The following DRC8 variants were observed in gnomAD, a reference collection of about 807,000 sequenced individuals.
DRC8 encodes the protein dynein regulatory complex subunit 8.
chr1:245,001,673 A>G, the DRC8 span, among the ~76,000 whole-genome samples: 11 of 152,162 alleles, frequency 7.2e-5, no homozygotes, highest in African/African-American at 2.7e-4. Context: ...GTGTCATCAG[A>G]TACACATATT....
chr1:245,023,851 T>C, the DRC8 span, among the ~76,000 whole-genome samples: 1 of 152,110 alleles, frequency 6.6e-6, no homozygotes, highest in Non-Finnish European at 1.5e-5. Context: ...TTTTTACTTA[T>C]CAATATATCT....
chr1:245,001,406 G>A, the DRC8 span, among the ~76,000 whole-genome samples: 17 of 152,278 alleles, frequency 1.1e-4, no homozygotes, highest in African/African-American at 3.9e-4. Flanking sequence ...GTCCCCTGAG[G>A]ACCTTTGTAA....
At chr1:244,970,210 C>G in the DRC8 span, 8 of 750,612 alleles carry the variant, frequency 1.1e-5, no homozygotes, top group African/African-American at 8.8e-5. Flanking sequence ...CTCTGGTCTT[C>G]CCCCAGCGCG....
At chr1:245,052,066 A>T in the DRC8 span, among the ~76,000 whole-genome samples, 1 of 152,022 alleles carries the variant, frequency 6.6e-6, no homozygotes, top group Admixed American at 6.6e-5. Flanking sequence ...GTGGGTGATA[A>T]GGACGTTTTC....
the DRC8 span, among the ~76,000 whole-genome samples, chr1:245,004,318 T>C: frequency 6.6e-6 from 1 of 152,172 alleles, no homozygotes; most frequent in Non-Finnish European, 1.5e-5. Context: ...TTTAGGAATT[T>C]GTATTCTACA....
chr1:245,084,070 C>G, the DRC8 span, among the ~76,000 whole-genome samples: 24 of 119,166 alleles, frequency 2.0e-4, 2 homozygotes, highest in South Asian at 8.7e-4. Flanking sequence ...CCGCCCCCCC[C>G]CCGGCGCCCC....
At chr1:245,037,542 C>T in the DRC8 span, among the ~76,000 whole-genome samples, 1 of 152,140 alleles carries the variant, frequency 6.6e-6, no homozygotes, top group Non-Finnish European at 1.5e-5. Context: ...GCACAAACAG[C>T]ATTTTCATTA....
At chr1:245,107,475 G>A in the DRC8 span, among the ~76,000 whole-genome samples, 3 of 152,218 alleles carry the variant, frequency 2.0e-5, no homozygotes, top group Non-Finnish European at 2.9e-5. Flanking sequence ...AGCAGAGAGC[G>A]TAGAACCTTT....
At chr1:245,086,081 G>C in the DRC8 span, among the ~76,000 whole-genome samples, 1 of 152,218 alleles carries the variant, frequency 6.6e-6, no homozygotes, top group Non-Finnish European at 1.5e-5. Flanking sequence ...TTTCGAAAAT[G>C]GTATGTTTAC....
chr1:244,989,131 G>T, the DRC8 span, among the ~76,000 whole-genome samples: 1 of 152,066 alleles, frequency 6.6e-6, no homozygotes, highest in Non-Finnish European at 1.5e-5. Flanking sequence ...GACCCACTTT[G>T]TTGTCCAGGC....
chr1:245,012,844 G>A, the DRC8 span, among the ~76,000 whole-genome samples: 1 of 152,072 alleles, frequency 6.6e-6, no homozygotes, highest in South Asian at 2.1e-4. Context: ...ATGGATTTCT[G>A]TATTTCCTTT....
the DRC8 span, among the ~76,000 whole-genome samples, chr1:245,044,414 T>A: frequency 6.6e-6 from 1 of 152,254 alleles, no homozygotes; most frequent in Non-Finnish European, 1.5e-5. Context: ...CTCCAAAAAC[T>A]TAACAAAAGA....
At chr1:245,011,516 G>C in the DRC8 span, among the ~76,000 whole-genome samples, 2 of 152,182 alleles carry the variant, frequency 1.3e-5, no homozygotes, top group African/African-American at 4.8e-5. Flanking sequence ...TTGATTAGAA[G>C]GTTACTGTAT....
the DRC8 span, among the ~76,000 whole-genome samples, chr1:245,040,249 A>G: frequency 2.0e-5 from 3 of 152,328 alleles, no homozygotes; most frequent in African/African-American, 7.2e-5. Flanking sequence ...GAAAAATGCC[A>G]TAGTCTATTA....
At chr1:245,013,538 AATTGATT>A in the DRC8 span, among the ~76,000 whole-genome samples, 1 of 151,692 alleles carries the variant, frequency 6.6e-6, no homozygotes, top group South Asian at 2.1e-4. Context: ...TTCAATAAAG[AATTGATT>A]ATTGATTATA....
chr1:245,064,927 A>G, the DRC8 span, among the ~76,000 whole-genome samples: 1 of 152,014 alleles, frequency 6.6e-6, no homozygotes, highest in African/African-American at 2.4e-5. Flanking sequence ...TGTGTTAGGT[A>G]CCTGGTGGGC....
chr1:245,027,349 A>G, the DRC8 span, among the ~76,000 whole-genome samples: 2 of 152,262 alleles, frequency 1.3e-5, no homozygotes, highest in East Asian at 3.9e-4. Flanking sequence ...AGAAAGGAAG[A>G]AGGAGGAAAG....
At chr1:244,981,179 C>G in the DRC8 span, among the ~76,000 whole-genome samples, 1 of 151,942 alleles carries the variant, frequency 6.6e-6, no homozygotes, top group Non-Finnish European at 1.5e-5. Context: ...GTGAGACTCT[C>G]TGTCCCCACC....
the DRC8 span, among the ~76,000 whole-genome samples, chr1:245,061,264 C>G: frequency 6.6e-6 from 1 of 152,172 alleles, no homozygotes; most frequent in East Asian, 1.9e-4. Context: ...TCAACTGTTA[C>G]TTGGTGGGCA....
Sources: allele counts gnomAD v4.1 joint callset (sites outside exome capture counted in the v4.1 genomes callset), GRCh38; gene constraint gnomAD v4.1.1; transcripts MANE v1.5; gene names NCBI Gene and HGNC (gene_info 2026-07-23, HGNC 2026-07-21).